Variants in ATF7IP observed in about 807,000 individuals in gnomAD.
ATF7IP encodes activating transcription factor 7-interacting protein 1.
In ATF7IP, 23 loss-of-function variants were observed where a neutral mutation model predicts 106.4. The observed-to-expected ratio is 0.22, with a 90% confidence interval of 0.16 to 0.31. The LOEUF is 0.31. Among genes scored for constraint, ATF7IP ranks in the 10% least tolerant of loss-of-function variants. The pLI is 1.00. For missense variants in ATF7IP, 1,334 were observed against 1,524.3 expected, an observed-to-expected ratio of 0.88 and a Z score of 2.08; for synonymous variants, 542 against 539.0, an observed-to-expected ratio of 1.01 and a Z score of -0.08.
chr12:14,452,783 C>T (rs1402225131), intron 6 of ATF7IP, among the ~76,000 whole-genome samples: 1 of 151,966 alleles, frequency 6.6e-6, no homozygotes, highest in Non-Finnish European at 1.5e-5. Context: ...TATTTTTCTC[C>T]TTATCAACAT....
intron 2 of ATF7IP, among the ~76,000 whole-genome samples, chr12:14,431,191 T>C (rs1942103651): frequency 6.6e-6 from 1 of 152,214 alleles, no homozygotes; most frequent in African/African-American, 2.4e-5. Flanking sequence ...GTCTCAGCTA[T>C]TTCTCAAAGT....
At chr12:14,398,349 G>A (rs570204005) in intron 1 of ATF7IP, among the ~76,000 whole-genome samples, 2 of 148,456 alleles carry the variant, frequency 1.3e-5, no homozygotes, top group Admixed American at 6.7e-5. Flanking sequence ...TTAATACTTC[G>A]TTGGTATTTT....
chr12:14,406,179 A>G (rs1940570670), intron 1 of ATF7IP, among the ~76,000 whole-genome samples: 1 of 152,090 alleles, frequency 6.6e-6, no homozygotes, highest in Non-Finnish European at 1.5e-5. Flanking sequence ...GCTCACTGCA[A>G]CCTCAGCCTC....
chr12:14,446,186 T>C (rs1023512567), intron 5 of ATF7IP, among the ~76,000 whole-genome samples: 4 of 151,938 alleles, frequency 2.6e-5, no homozygotes, highest in African/African-American at 9.7e-5. Flanking sequence ...CTAACTCTGT[T>C]GCCCAGGCTG....
chr12:14,406,038 C>T (rs966417839), intron 1 of ATF7IP, among the ~76,000 whole-genome samples: 2 of 152,086 alleles, frequency 1.3e-5, no homozygotes, highest in Non-Finnish European at 2.9e-5. Context: ...ATGTGAAATT[C>T]CAAGACATGT....
intron 13 of ATF7IP, 106 bp from the exon 14 acceptor site, chr12:14,496,125 G>T (rs1945004405): frequency 2.9e-6 from 2 of 694,034 alleles, no homozygotes; most frequent in Non-Finnish European, 4.9e-6. Flanking sequence ...CTTTCCTTTC[G>T]AATCTTGAAA....
At chr12:14,411,827 T>G (rs1463721859) in intron 1 of ATF7IP, among the ~76,000 whole-genome samples, 1 of 152,104 alleles carries the variant, frequency 6.6e-6, no homozygotes, top group East Asian at 1.9e-4. Context: ...TTTTATTGCT[T>G]CTTCTCTTTG....
chr12:14,463,371 A>G (rs1264075925), intron 9 of ATF7IP, among the ~76,000 whole-genome samples: 1 of 152,150 alleles, frequency 6.6e-6, no homozygotes, highest in Non-Finnish European at 1.5e-5. Context: ...TTAAAGCTCA[A>G]ACTATAGCTA....
Position 14,436,217 on chromosome 12 carries a change from C to T in ATF7IP, c.1757C>T (p.Thr586Ile), listed in dbSNP as rs1250955531. ...GAGGCAGAATTTCAAGTAAAGATTA[C>T]AGCCAAAGGAGACATTAACCAGAAA... is the stretch of plus-strand genomic sequence containing the variant. The part of the protein sequence containing the change: ...EYEAEFQVKI[T>I]AKGDINQKLQ... Residue 586 changes from threonine to isoleucine, a missense_variant, in exon 4 of 15, where the codon ACA (threonine) becomes ATA (isoleucine). Transcript: ENST00000261168. The T allele has an allele frequency of 1.2e-6, 2 of 1,613,250 alleles. No homozygotes were observed. The highest frequency in any genetic ancestry group is 1.7e-6 in the Non-Finnish European group (2 of 1,179,622).
chr12:14,468,831 T>G (rs1943932354), intron 10 of ATF7IP, among the ~76,000 whole-genome samples: 1 of 152,222 alleles, frequency 6.6e-6, no homozygotes, highest in Non-Finnish European at 1.5e-5. Flanking sequence ...CAGAATTTTT[T>G]GAAACAAATA....
In ATF7IP at chr12:14,418,126, A is replaced by C. The variant is rs151098885; in HGVS notation, c.-7-5783A>C. On this transcript the variant is annotated intron_variant, in intron 1 of 14. Transcript: ENST00000261168. The stretch of plus-strand genomic sequence containing the variant: ...CTTAAAAATATTTTAAAAATAATTT[A>C]CCAAAAATTTGAAAAAAAAATTTCC... 2.0e-3 allele frequency among the ~76,000 whole-genome samples: 305 copies of C among 152,246 alleles called. 6 individuals are homozygous for C. The East Asian group carries it at 0.054, about 27-fold the overall frequency.
chr12:14,465,499 C>T (rs75472545), intron 9 of ATF7IP, among the ~76,000 whole-genome samples: 2,101 of 151,506 alleles, frequency 0.014, 62 homozygotes, highest in African/African-American at 0.048. Context: ...AAAACAGATG[C>T]TCATTTGTAA....
At chr12:14,485,439 A>G (rs1591962450) in intron 13 of ATF7IP, among the ~76,000 whole-genome samples, 2 of 152,218 alleles carry the variant, frequency 1.3e-5, no homozygotes, top group African/African-American at 2.4e-5. Context: ...AGTAGGATTT[A>G]TTTCCCATCC....
At chr12:14,404,132 C>CTT (rs11344521) in intron 1 of ATF7IP, among the ~76,000 whole-genome samples, 2,357 of 146,440 alleles carry the variant, frequency 0.016, 18 homozygotes, top group Non-Finnish European at 0.024. Flanking sequence ...CATTTGTAAG[C>CTT]TTTTTTTTTT....
At chr12:14,435,185 A>G (rs1942347234) in intron 3 of ATF7IP, among the ~76,000 whole-genome samples, 1 of 152,114 alleles carries the variant, frequency 6.6e-6, no homozygotes, top group Admixed American at 6.5e-5. Flanking sequence ...CTTTAGCTTT[A>G]TGGGAAGGGA....
At chr12:14,416,781 T>G (rs1941227086) in intron 1 of ATF7IP, 1 of 316,946 alleles carries the variant, frequency 3.2e-6, no homozygotes, top group Non-Finnish European at 4.6e-6. Context: ...TGGGCAAGGT[T>G]TGTGACACTG....
chr12:14,382,058 G>C (rs1565471929), intron 1 of ATF7IP, among the ~76,000 whole-genome samples: 1 of 152,150 alleles, frequency 6.6e-6, no homozygotes, highest in Non-Finnish European at 1.5e-5. Context: ...AAATTAGCCA[G>C]TTGTGGTGGT....
chr12:14,425,348 C>T lies in ATF7IP; in HGVS notation c.1433C>T (p.Pro478Leu), dbSNP rs748887583. ...EEKMESSFGS[P>L]SKQESSESLP... ...AAAATGGAAAGTTCTTTTGGTTCAC[C>T]ATCTAAACAAGAAAGTAGTGAGAGT... The change falls in exon 2 of 15, where the codon CCA (proline) becomes CTA (leucine). Residue 478 changes from proline to leucine, a missense_variant. By Grantham distance (98) the Pro-to-Leu change is moderately conservative. Around this residue, in one of 10 missense-constraint regions of ATF7IP, gnomAD observed 41 missense variants for 60.4 expected, o/e 0.68. Transcript: ENST00000261168. 1 of 1,612,988 alleles carries T rather than the reference C, an allele frequency of 6.2e-7. No homozygotes were observed. Among genetic ancestry groups the T allele is most frequent in the Non-Finnish European group, 8.5e-7 (1 of 1,179,720 alleles).
intron 8 of ATF7IP, among the ~76,000 whole-genome samples, chr12:14,458,080 A>C (rs950803365): frequency 6.6e-6 from 1 of 151,808 alleles, no homozygotes; most frequent in Non-Finnish European, 1.5e-5. Flanking sequence ...TGGGCAACAG[A>C]GTGGGACTTC....
Sources: gnomAD v4.1 joint callset for allele counts (sites outside exome capture counted in the v4.1 genomes callset) on GRCh38, gnomAD v4.1.1 for gene constraint, gnomAD v4.1.1 regional missense constraint, MANE v1.5 for transcripts, NCBI Gene and HGNC (gene_info 2026-07-23, HGNC 2026-07-21) for gene names.